Variants in ANK3 observed in about 807,000 individuals in gnomAD.
The protein encoded by ANK3 is ankyrin 3.
A neutral mutation model predicts 370.9 loss-of-function variants in ANK3; 57 were observed. The ratio of observed to expected loss-of-function variants is 0.15; its 90% CI spans 0.12 to 0.19. ANK3 has a LOEUF of 0.19. ANK3 is among the 10% of genes least tolerant of loss of function. ANK3 has a pLI of 1.00. For synonymous variants in ANK3, 1,929 were observed against 1,946.3 expected, an observed-to-expected ratio of 0.99 and a Z score of 0.23; for missense variants, 4,439 against 5,302.1, an observed-to-expected ratio of 0.84 and a Z score of 5.06.
At chr10:60,501,046 A>T (rs1414823016) in intron 2 of ANK3, among the ~76,000 whole-genome samples, 3 of 152,202 alleles carry the variant, frequency 2.0e-5, no homozygotes, top group Admixed American at 2.0e-4. Flanking sequence ...TTGAAACATT[A>T]AAAGGTAGGA....
chr10:60,656,986 T>A (rs1453674805), intron 1 of ANK3, among the ~76,000 whole-genome samples: 1 of 152,146 alleles, frequency 6.6e-6, no homozygotes, highest in Non-Finnish European at 1.5e-5. Context: ...TTCATGCTAC[T>A]GATAAAGACA....
intron 1 of ANK3, among the ~76,000 whole-genome samples, chr10:60,368,594 A>G (rs1594632429): frequency 1.3e-5 from 2 of 152,362 alleles, no homozygotes; most frequent in Non-Finnish European, 2.9e-5. Context: ...ATTTTTTAGC[A>G]TAAGTGGAAA....
chr10:60,426,878 G>A (rs1166909912), intron 2 of ANK3, among the ~76,000 whole-genome samples: 2 of 152,078 alleles, frequency 1.3e-5, no homozygotes, highest in African/African-American at 4.8e-5. Flanking sequence ...CATTGTATAG[G>A]CATCTTAAGG....
intron 1 of ANK3, among the ~76,000 whole-genome samples, chr10:60,673,999 T>C (rs1333047171): frequency 1.3e-5 from 2 of 152,178 alleles, no homozygotes; most frequent in Non-Finnish European, 2.9e-5. Flanking sequence ...TAGGAAGCAG[T>C]ACATGAGTTT....
Position 60,086,826 on chromosome 10 carries a change from C to T in ANK3, c.3599G>A (p.Ser1200Asn). The change falls in exon 30 of 44, where the codon AGC becomes AAC. Residue 1200 changes from serine (S) to asparagine (N), a missense_variant. Physicochemically the swap from Ser to Asn is conservative, Grantham distance 46. This residue lies in a region of ANK3 where 702 missense variants were observed against 941.5 expected (regional missense o/e 0.75). Transcript: ENST00000280772. Reference protein sequence around the residue: ...KKILGNKATFSPIVTVEPRRR... With the variant: ...KKILGNKATFNPIVTVEPRRR... ...TCTTGGTTCCACAGTGACAATTGGG[C>T]TAAAAGTTGCTTTGTTTCCAAGGAT... 6.2e-7 allele frequency: 1 copy of T among 1,613,506 alleles called. No individual in the cohort carries two copies. The highest frequency in any genetic ancestry group is 8.5e-7 in the Non-Finnish European group (1 of 1,179,972).
chr10:60,616,994 T>C (rs1323134977), intron 1 of ANK3, among the ~76,000 whole-genome samples: 1 of 152,194 alleles, frequency 6.6e-6, no homozygotes, highest in African/African-American at 2.4e-5. Context: ...CCTTTGACTG[T>C]CTTTACTCAG....
chr10:60,360,538 G>A (rs945936309), intron 1 of ANK3, among the ~76,000 whole-genome samples: 2 of 152,094 alleles, frequency 1.3e-5, no homozygotes, highest in African/African-American at 4.8e-5. Flanking sequence ...GTAAGACCCT[G>A]TCTCTACAAA....
chr10:60,329,070 A>G (rs2132929050), intron 1 of ANK3, among the ~76,000 whole-genome samples: 1 of 152,324 alleles, frequency 6.6e-6, no homozygotes, highest in South Asian at 2.1e-4. Context: ...AAGGCCTTCA[A>G]TAAAATTCAA....
chr10:60,520,947 T>A (rs931588579), intron 2 of ANK3, among the ~76,000 whole-genome samples: 2 of 152,100 alleles, frequency 1.3e-5, no homozygotes, highest in Non-Finnish European at 2.9e-5. Flanking sequence ...TAGTTTTTTT[T>A]TTAATTTGAT....
Position 60,081,375 on chromosome 10 carries a change from C to T in ANK3, c.4351-757G>A, listed in dbSNP as rs139231831. ...CCTCCCAAAGTGCTAGGATTACAGG[C>T]GTGAGCCACCACGCCTGGCCAGAGG... is the stretch of plus-strand genomic sequence containing the variant. On this transcript the variant is annotated intron_variant, in intron 35 of 43. Coordinates refer to ENST00000280772, the MANE Select transcript of ANK3 (RefSeq NM_020987.5). 1,288 of 285,360 alleles carry T rather than the reference C, an allele frequency of 4.5e-3. 16 individuals carry two copies. Among genetic ancestry groups the T allele is most frequent in the South Asian group, 0.023 (677 of 29,936 alleles). The allele number at this position is 285,360 out of a possible 1,614,324, so 17.7% of individuals were successfully genotyped here. A position where few individuals can be genotyped will look rare whatever the true frequency, so the allele number is the denominator to read the frequency against.
At chr10:60,555,283 G>A (rs1479037076) in intron 2 of ANK3, among the ~76,000 whole-genome samples, 2 of 151,998 alleles carry the variant, frequency 1.3e-5, no homozygotes, top group African/African-American at 4.8e-5. Flanking sequence ...GCCAGCCTGG[G>A]CAACATAGTG....
intron 23 of ANK3, chr10:60,140,625 T>C (rs958192779): frequency 7.1e-7 from 1 of 1,398,916 alleles, no homozygotes; most frequent in African/African-American, 1.5e-5. Context: ...AAACCCCACT[T>C]AATTGAGGTT....
chr10:60,172,541 C>T, intron 20 of ANK3, 138 bp from the exon 21 acceptor site: 1 of 720,988 alleles, frequency 1.4e-6, no homozygotes, highest in Non-Finnish European at 2.4e-6. Context: ...AGAGACATAC[C>T]TTGCACAAAA....
chr10:60,297,859 G>C (rs1221562130), intron 1 of ANK3, among the ~76,000 whole-genome samples: 1 of 152,008 alleles, frequency 6.6e-6, no homozygotes, highest in African/African-American at 2.4e-5. Context: ...AGCAGCAAAA[G>C]ACAAGTTTTG....
intron 2 of ANK3, among the ~76,000 whole-genome samples, chr10:60,584,006 CA>C (rs1323221203): frequency 9.2e-5 from 14 of 152,144 alleles, no homozygotes; most frequent in Admixed American, 9.2e-4. Flanking sequence ...ATTGTACCCC[CA>C]AAATATGTAT....
At chr10:60,549,493 T>C (rs561833793) in intron 2 of ANK3, among the ~76,000 whole-genome samples, 35 of 152,244 alleles carry the variant, frequency 2.3e-4, no homozygotes, top group Admixed American at 1.8e-3. Context: ...TACTTCTACC[T>C]CTGGGAAAAG....
chr10:60,187,242 A>G (rs1184117576), intron 16 of ANK3, among the ~76,000 whole-genome samples: 1 of 151,294 alleles, frequency 6.6e-6, no homozygotes, highest in Non-Finnish European at 1.5e-5. Flanking sequence ...TGCAAGCTCC[A>G]TCTCCCGGGT....
chr10:60,091,736 G>GT (rs71015765), intron 28 of ANK3, among the ~76,000 whole-genome samples: 56,848 of 145,208 alleles, frequency 0.39, 11,356 homozygotes, highest in South Asian at 0.46. Flanking sequence ...GCACATTTTT[G>GT]TTTTTTTTTT....
At chr10:60,279,776 TA>T (rs2098135542) in intron 1 of ANK3, 137 bp from the exon 2 acceptor site, 1 of 710,118 alleles carries the variant, frequency 1.4e-6, no homozygotes, top group Non-Finnish European at 2.3e-6. Flanking sequence ...AAGTTCTTTG[TA>T]AAAAGAACCA....
Sources: allele counts gnomAD v4.1 joint callset (sites outside exome capture counted in the v4.1 genomes callset), GRCh38; gene constraint gnomAD v4.1.1; regional missense constraint gnomAD v4.1.1; transcripts MANE v1.5; gene names NCBI Gene and HGNC (gene_info 2026-07-23, HGNC 2026-07-21).